The following ADCY8 variants were observed in gnomAD, a reference collection of about 807,000 sequenced individuals.
ADCY8 encodes adenylate cyclase type 8.
A neutral mutation model predicts 119.7 loss-of-function variants in ADCY8; 51 were observed. The ratio of observed to expected loss-of-function variants is 0.43; its 90% CI spans 0.34 to 0.54. The LOEUF is 0.54. ADCY8 is among the 20% of genes least tolerant of loss of function. The probability of loss-of-function intolerance (pLI) is 0.03; values close to 1 mark genes in which losing one functional copy is unlikely to be tolerated. For synonymous variants in ADCY8, 665 were observed against 651.0 expected (o/e 1.02, Z -0.33); for missense variants, 1,383 against 1,598.8 (o/e 0.87, Z 2.30).
At chr8:130,867,340 C>T (rs1450972791) in intron 9 of ADCY8, among the ~76,000 whole-genome samples, 1 of 152,160 alleles carries the variant, frequency 6.6e-6, no homozygotes, top group Non-Finnish European at 1.5e-5. Flanking sequence ...CCTCAGTTCC[C>T]TCCTCTTTAA....
chr8:130,837,164 AC>A (rs1306406368), intron 11 of ADCY8, among the ~76,000 whole-genome samples: 1 of 151,892 alleles, frequency 6.6e-6, no homozygotes, highest in African/African-American at 2.4e-5. Context: ...CCCACCCCAC[AC>A]CCATATCGTT....
At chr8:130,795,589 G>A (rs1023530363) in intron 15 of ADCY8, among the ~76,000 whole-genome samples, 16 of 152,154 alleles carry the variant, frequency 1.1e-4, no homozygotes, top group Non-Finnish European at 1.9e-4. Context: ...ATTTAAGATT[G>A]TAATATCCTC....
chr8:131,036,323 T>G (rs1027216060), intron 1 of ADCY8, among the ~76,000 whole-genome samples: 1 of 152,202 alleles, frequency 6.6e-6, no homozygotes, highest in African/African-American at 2.4e-5. Flanking sequence ...TTTGATTTCT[T>G]TAGAAGATGT....
At chr8:130,899,652 G>C (rs932060208) in intron 7 of ADCY8, among the ~76,000 whole-genome samples, 7 of 151,892 alleles carry the variant, frequency 4.6e-5, no homozygotes, top group African/African-American at 1.7e-4. Flanking sequence ...AGCTCCTGGA[G>C]GACAGGATTC....
At chr8:130,839,462 T>C (rs920285428) in intron 11 of ADCY8, among the ~76,000 whole-genome samples, 2 of 139,574 alleles carry the variant, frequency 1.4e-5, no homozygotes, top group African/African-American at 4.9e-5. Flanking sequence ...ATCAGAGGAA[T>C]CTCCTCTGTG....
At chr8:130,912,359 C>T (rs1820007376) in intron 5 of ADCY8, among the ~76,000 whole-genome samples, 2 of 152,054 alleles carry the variant, frequency 1.3e-5, no homozygotes, top group Non-Finnish European at 2.9e-5. Context: ...TGGGTGGATG[C>T]CTGGGTGTCC....
chr8:130,795,596 C>T (rs1264464030), intron 15 of ADCY8, among the ~76,000 whole-genome samples: 3 of 152,174 alleles, frequency 2.0e-5, no homozygotes, highest in Non-Finnish European at 4.4e-5. Flanking sequence ...ATTGTAATAT[C>T]CTCCAGGTCT....
chr8:130,988,486 A>G (rs1236962598), intron 2 of ADCY8, among the ~76,000 whole-genome samples: 1 of 152,196 alleles, frequency 6.6e-6, no homozygotes. Context: ...ATTGCTTTCT[A>G]CATAGTATCT....
At chr8:130,997,982 A>C (rs1278414800) in intron 1 of ADCY8, among the ~76,000 whole-genome samples, 1 of 152,174 alleles carries the variant, frequency 6.6e-6, no homozygotes, top group Non-Finnish European at 1.5e-5. Context: ...TGTAAACTAC[A>C]TTTGAAAAGC....
intron 4 of ADCY8, among the ~76,000 whole-genome samples, chr8:130,938,228 A>G (rs146961680): frequency 1.4e-4 from 22 of 152,204 alleles, no homozygotes; most frequent in African/African-American, 4.8e-4. Context: ...AATGGGGATA[A>G]TCATAGGGCC....
chr8:130,820,852 C>T (rs553847421), intron 13 of ADCY8, among the ~76,000 whole-genome samples: 15 of 152,332 alleles, frequency 9.8e-5, no homozygotes, highest in African/African-American at 2.4e-4. Context: ...TAATCTGCAA[C>T]GCTTCCTCAA....
At chr8:131,032,564 G>A (rs909475847) in intron 1 of ADCY8, among the ~76,000 whole-genome samples, 14 of 151,962 alleles carry the variant, frequency 9.2e-5, no homozygotes, top group African/African-American at 3.4e-4. Context: ...CTGGTAGGTG[G>A]CTTTTATGCC....
chr8:130,939,064 T>C (rs1820878720), intron 4 of ADCY8, among the ~76,000 whole-genome samples: 7 of 151,832 alleles, frequency 4.6e-5, no homozygotes, highest in Admixed American at 3.9e-4. Flanking sequence ...GAAAAAGAAA[T>C]CAGAGGGTTT....
At chr8:131,014,148 T>C (rs754026618) in intron 1 of ADCY8, among the ~76,000 whole-genome samples, 2 of 152,198 alleles carry the variant, frequency 1.3e-5, no homozygotes, top group Non-Finnish European at 2.9e-5. Flanking sequence ...TTAAAATTGG[T>C]GATCTAGCTA....
chr8:131,017,067 A>C (rs1823496768), intron 1 of ADCY8, among the ~76,000 whole-genome samples: 1 of 151,424 alleles, frequency 6.6e-6, no homozygotes, highest in Non-Finnish European at 1.5e-5. Flanking sequence ...ATTGGAATGT[A>C]CATGATTTTT....
chr8:130,834,921 CAGAG>C (rs34200608), intron 12 of ADCY8, among the ~76,000 whole-genome samples: 20,882 of 151,886 alleles, frequency 0.14, 1,718 homozygotes, highest in Admixed American at 0.18. Context: ...TTTGAGGAGA[CAGAG>C]AGGAGAATAA....
chr8:130,878,986 A>G (rs964750585), intron 8 of ADCY8, among the ~76,000 whole-genome samples: 1 of 152,176 alleles, frequency 6.6e-6, no homozygotes, highest in Admixed American at 6.5e-5. Flanking sequence ...TAAGGTGATA[A>G]TATTGTTTTT....
chr8:130,970,454 G>T (rs1450854922), intron 2 of ADCY8, among the ~76,000 whole-genome samples: 1 of 152,210 alleles, frequency 6.6e-6, no homozygotes, highest in Non-Finnish European at 1.5e-5. Flanking sequence ...CTGTCTAGTT[G>T]CAGGGAAACA....
Position 130,951,931 on chromosome 8 carries a change from A to G in ADCY8, c.1178T>C (p.Val393Ala). 2 of 1,614,120 alleles carry G rather than the reference A, an allele frequency of 1.2e-6. No homozygotes were observed. Among genetic ancestry groups the G allele is most frequent in the South Asian group, 2.2e-5 (2 of 91,080 alleles). ...CTGGTGCTGCAGGTGCTCATCTTCC[A>G]CATTGGTCATGTCGTTGATCATTTC... is the stretch of plus-strand genomic sequence containing the variant. ...VLEMINDMTN[V>A]EDEHLQHQFH... Residue 393 changes from valine (V) to alanine (A), a missense_variant, in exon 3 of 18, where the codon GTG (valine) becomes GCG (alanine). This residue lies in a region of ADCY8 where 928 missense variants were observed against 1,163.5 expected (regional missense o/e 0.80). Coordinates refer to ENST00000286355, the MANE Select transcript of ADCY8 (RefSeq NM_001115.3).
Sources: gnomAD v4.1 joint callset for allele counts (sites outside exome capture counted in the v4.1 genomes callset) on GRCh38, gnomAD v4.1.1 for gene constraint, gnomAD v4.1.1 regional missense constraint, MANE v1.5 for transcripts, NCBI Gene and HGNC (gene_info 2026-07-23, HGNC 2026-07-21) for gene names.